The following CSPP1 variants were observed in gnomAD, a reference collection of about 807,000 sequenced individuals.
CSPP1 encodes centrosome and spindle pole-associated protein 1.
Under a neutral mutation model 164.4 loss-of-function variants are expected in CSPP1, and 126 were observed. The observed-to-expected ratio is 0.77, with a 90% confidence interval of 0.66 to 0.89. The LOEUF (loss-of-function observed/expected upper bound fraction) is 0.89, where lower values mean the gene tolerates loss of function less well. Ranked by LOEUF, CSPP1 falls within the 40% of genes least tolerant of loss-of-function variation. CSPP1 has a pLI of 0.00. For missense variants in CSPP1, 1,395 were observed against 1,449.8 expected (o/e 0.96, Z 0.61); for synonymous variants, 472 against 476.7 (o/e 0.99, Z 0.13).
At chr8:67,151,039 T>A (rs1173332234) in intron 18 of CSPP1, among the ~76,000 whole-genome samples, 1 of 152,202 alleles carries the variant, frequency 6.6e-6, no homozygotes, top group Non-Finnish European at 1.5e-5. Flanking sequence ...GCTAAACAGA[T>A]AAGTGAAGTG....
In CSPP1 at chr8:67,068,163, C is replaced by T. The variant is rs74509344; in HGVS notation, c.-11+3625C>T. 1.2e-3 allele frequency among the ~76,000 whole-genome samples: 176 copies of T among 152,232 alleles called. 3 individuals carry two copies. In the East Asian group the frequency reaches 0.023, roughly 20 times the overall value. The stretch of plus-strand genomic sequence containing the variant: ...TGCGCCTGGCCTGATCTGTTGATTT[C>T]TAAGTGTTAGGTTCTCTGTCATAAT... On this transcript the variant is annotated intron_variant, in intron 1 of 30. Transcript: ENST00000678616.
intron 21 of CSPP1, 95 bp downstream of exon 21, chr8:67,159,232 G>C: frequency 4.2e-6 from 5 of 1,203,230 alleles, no homozygotes; most frequent in Non-Finnish European, 5.9e-6. Flanking sequence ...GAAAGAGGAG[G>C]AGGTGCTTTT....
In CSPP1 at chr8:67,159,020, G is replaced by A. The variant is rs1209655756; in HGVS notation, c.2421G>A (p.Arg807=). Residue 807 remains arginine (R), a synonymous_variant, in exon 21 of 31, where the codon CGG becomes CGA. Transcript: ENST00000678616. ...EQRLKNEEHI[R]LAEERQKEAE... is the part of the protein sequence containing the mutation. The stretch of plus-strand genomic sequence containing the variant: ...GGCTAAAAAATGAAGAGCATATTCG[G>A]TTAGCTGAAGAAAGACAAAAAGAAG... The A allele has an allele frequency of 2.5e-6, 4 of 1,608,276 alleles. No homozygotes were observed. The highest frequency in any genetic ancestry group is 3.4e-6 in the Non-Finnish European group (4 of 1,177,562).
intron 15 of CSPP1, among the ~76,000 whole-genome samples, chr8:67,131,406 G>A (rs981471146): frequency 6.6e-6 from 1 of 152,022 alleles, no homozygotes; most frequent in Non-Finnish European, 1.5e-5. Flanking sequence ...CAAAAAAACA[G>A]CACTTTATTG....
At chr8:67,077,183 T>C (rs978844329) in intron 3 of CSPP1, among the ~76,000 whole-genome samples, 18 of 152,132 alleles carry the variant, frequency 1.2e-4, no homozygotes, top group Admixed American at 5.9e-4. Flanking sequence ...TCTCTCTCTC[T>C]CTCTCTGTCA....
intron 3 of CSPP1, among the ~76,000 whole-genome samples, chr8:67,078,972 A>G (rs1234166938): frequency 6.6e-6 from 1 of 152,082 alleles, no homozygotes; most frequent in East Asian, 1.9e-4. Context: ...ACTCCATCTC[A>G]ATAAAAAAAA....
intron 1 of CSPP1, among the ~76,000 whole-genome samples, chr8:67,068,465 G>A (rs1282594910): frequency 6.6e-6 from 1 of 152,172 alleles, no homozygotes; most frequent in Non-Finnish European, 1.5e-5. Flanking sequence ...ATTGTAGAGT[G>A]TCATATATAA....
chr8:67,110,521 CTG>C (rs1012160199), intron 9 of CSPP1, among the ~76,000 whole-genome samples: 1 of 152,148 alleles, frequency 6.6e-6, no homozygotes, highest in African/African-American at 2.4e-5. Context: ...GAATTTCACT[CTG>C]TGAATGCACA....
At chr8:67,105,883 T>C (rs1175697384) in intron 8 of CSPP1, 22 bp from the exon 9 acceptor site, 2 of 1,370,128 alleles carry the variant, frequency 1.5e-6, no homozygotes, top group South Asian at 2.4e-5. Context: ...TTTACTCTTT[T>C]TCTCTGTCTT....
At chr8:67,123,609 CG>C (rs1289236701) in intron 15 of CSPP1, among the ~76,000 whole-genome samples, 56 of 146,252 alleles carry the variant, frequency 3.8e-4, no homozygotes, top group African/African-American at 1.3e-3. Flanking sequence ...TTTTCTTCTT[CG>C]TTTTTTTTTT....
rs763911288 is a variant in CSPP1, at chr8:67,158,481, G to A, written c.2276G>A (p.Arg759Gln). ...AAGAAACAAAGAGAGGAAGCAGAGC[G>A]AGAGAGACTGAGAATTGCAGAAGAA... ...EEKKQREEAE[R>Q]ERLRIAEEKE... Residue 759 changes from arginine to glutamine, a missense_variant, in exon 20 of 31, where the codon CGA becomes CAA. Transcript: ENST00000678616. 3.2e-5 allele frequency: 51 copies of A among 1,612,568 alleles called. No homozygotes were observed. Among genetic ancestry groups the A allele is most frequent in the Middle Eastern group, 1.6e-4 (1 of 6,078 alleles).
chr8:67,173,570 A>T (rs1161168174), intron 25 of CSPP1: 1 of 152,168 alleles, frequency 6.6e-6, no homozygotes, highest in Non-Finnish European at 1.5e-5. Context: ...AAAGATAGTA[A>T]GAAGGAAAAA....
At chr8:67,148,924 T>C (rs994995581) in intron 17 of CSPP1, among the ~76,000 whole-genome samples, 1 of 152,272 alleles carries the variant, frequency 6.6e-6, no homozygotes, top group Non-Finnish European at 1.5e-5. Flanking sequence ...CTTGGTGTTT[T>C]AGCATGATAA....
chr8:67,126,856 G>A (rs1820178663), intron 15 of CSPP1, among the ~76,000 whole-genome samples: 1 of 152,068 alleles, frequency 6.6e-6, no homozygotes, highest in African/African-American at 2.4e-5. Flanking sequence ...ACTGCTGATT[G>A]TTTTCTACAA....
intron 15 of CSPP1, among the ~76,000 whole-genome samples, chr8:67,131,043 A>G (rs1821136305): frequency 6.6e-6 from 1 of 152,148 alleles, no homozygotes; most frequent in Non-Finnish European, 1.5e-5. Flanking sequence ...ATCTTTTATA[A>G]TTTAGATTTC....
intron 21 of CSPP1, 71 bp from the exon 22 acceptor site, chr8:67,161,740 T>G (rs1479022388): frequency 6.1e-5 from 36 of 591,348 alleles, no homozygotes; most frequent in African/African-American, 4.0e-4. Flanking sequence ...CTATAAGGGG[T>G]GTGTGTGTGT....
chr8:67,171,139 G>A (rs1367615979), intron 24 of CSPP1, among the ~76,000 whole-genome samples: 5 of 146,332 alleles, frequency 3.4e-5, no homozygotes, highest in South Asian at 2.3e-4. Context: ...GCTCATGCAC[G>A]CCTGTAATCC....
At chr8:67,088,680 A>G (rs1810948777) in intron 4 of CSPP1, among the ~76,000 whole-genome samples, 1 of 151,188 alleles carries the variant, frequency 6.6e-6, no homozygotes, top group Non-Finnish European at 1.5e-5. Context: ...GCAGATCACA[A>G]GGTCAGGAAA....
At chr8:67,183,417 G>C (rs1833537553) in intron 28 of CSPP1, among the ~76,000 whole-genome samples, 1 of 152,146 alleles carries the variant, frequency 6.6e-6, no homozygotes, top group Non-Finnish European at 1.5e-5. Flanking sequence ...AACCTTAACA[G>C]ATGTAAAAGA....
Sources: allele counts gnomAD v4.1 joint callset (sites outside exome capture counted in the v4.1 genomes callset), GRCh38; gene constraint gnomAD v4.1.1; transcripts MANE v1.5; gene names NCBI Gene and HGNC (gene_info 2026-07-23, HGNC 2026-07-21).